The following HDAC9 variants were observed in gnomAD, a reference collection of about 807,000 sequenced individuals.
HDAC9 encodes histone deacetylase 9, also known as MEF-2 interacting transcription repressor (MITR) protein.
HDAC9 carries 41 observed loss-of-function variants against 139.4 expected under a neutral mutation model. The observed-to-expected ratio is 0.29, with a 90% CI of 0.23 to 0.38. HDAC9 has a LOEUF of 0.38. Ranked by LOEUF, HDAC9 falls within the 10% of genes least tolerant of loss-of-function variation. The probability of loss-of-function intolerance (pLI) is 1.00; values close to 1 mark genes in which losing one functional copy is unlikely to be tolerated. For missense variants in HDAC9, 1,147 were observed against 1,297.0 expected (o/e 0.88, Z 1.78); for synonymous variants, 517 against 476.2 (o/e 1.09, Z -1.12).
At chr7:18,105,750 A>T (rs141278237) in intron 1 of HDAC9, among the ~76,000 whole-genome samples, 65 of 152,200 alleles carry the variant, frequency 4.3e-4, no homozygotes, top group Non-Finnish European at 7.2e-4. Context: ...AAAGAATTGA[A>T]AACATATTTC....
chr7:18,972,415 C>G (rs141853192), intron 24 of HDAC9, among the ~76,000 whole-genome samples: 2,567 of 132,760 alleles, frequency 0.019, 80 homozygotes, highest in African/African-American at 0.066. Flanking sequence ...GAGTCTTGCC[C>G]TGTCACCCAG....
At chr7:18,185,892 A>G (rs879826936) in intron 2 of HDAC9, among the ~76,000 whole-genome samples, 5 of 152,206 alleles carry the variant, frequency 3.3e-5, no homozygotes, top group Admixed American at 2.0e-4. Flanking sequence ...CACTTCGTGC[A>G]AAGTATCTTG....
At chr7:18,169,451 G>GT (rs940620524) in intron 2 of HDAC9, among the ~76,000 whole-genome samples, 8 of 149,798 alleles carry the variant, frequency 5.3e-5, no homozygotes, top group South Asian at 2.1e-4. Flanking sequence ...TGATACATCA[G>GT]TTTTTTTTTC....
chr7:18,175,442 A>T (rs1788810695), intron 2 of HDAC9, among the ~76,000 whole-genome samples: 1 of 152,140 alleles, frequency 6.6e-6, no homozygotes, highest in Non-Finnish European at 1.5e-5. Context: ...GCCCTGCTTC[A>T]GCTCACCCTC....
intron 1 of HDAC9, among the ~76,000 whole-genome samples, chr7:18,318,861 G>A (rs1310303704): frequency 6.6e-6 from 1 of 152,066 alleles, no homozygotes; most frequent in Non-Finnish European, 1.5e-5. Flanking sequence ...AAAACATAAC[G>A]ACTAGTATAG....
At chr7:18,572,750 C>T (rs572440756) in intron 2 of HDAC9, among the ~76,000 whole-genome samples, 1 of 152,228 alleles carries the variant, frequency 6.6e-6, no homozygotes, top group Admixed American at 6.5e-5. Flanking sequence ...TTCTTAGCTT[C>T]TATTACCTTG....
intron 2 of HDAC9, among the ~76,000 whole-genome samples, chr7:18,166,874 T>G (rs1424454718): frequency 6.6e-6 from 1 of 152,172 alleles, no homozygotes; most frequent in Non-Finnish European, 1.5e-5. Flanking sequence ...TTCAGTTTGT[T>G]CATAGTGTGT....
intron 2 of HDAC9, among the ~76,000 whole-genome samples, chr7:18,561,735 A>G (rs143154496): frequency 8.5e-4 from 129 of 152,172 alleles, no homozygotes; most frequent in Non-Finnish European, 1.7e-3. Context: ...TTTACTCAGC[A>G]TGGTTTCAAG....
Position 18,741,818 on chromosome 7 carries a change from T to A in HDAC9, c.1910-7187T>A, listed in dbSNP as rs116727168. Among the ~76,000 whole-genome samples the A allele has an allele frequency of 2.5e-3, 373 of 152,188 alleles. 2 individuals are homozygous for A. Among genetic ancestry groups the A allele is most frequent in the African/African-American group, 8.7e-3 (360 of 41,516 alleles). On this transcript the variant is annotated intron_variant, in intron 13 of 25. Transcript: ENST00000686413. ...GAGGAATATCAACATTGACAAGTGA[T>A]TGAAAGAAGTTGATTCCAGTTCTCA...
intron 2 of HDAC9, among the ~76,000 whole-genome samples, chr7:18,569,532 G>A (rs1823556869): frequency 1.3e-5 from 2 of 152,116 alleles, no homozygotes; most frequent in South Asian, 4.2e-4. Flanking sequence ...TCAGAGCTGT[G>A]CTTAAAGTAT....
At chr7:18,367,638 T>A (rs955173833) in intron 1 of HDAC9, among the ~76,000 whole-genome samples, 2 of 152,132 alleles carry the variant, frequency 1.3e-5, no homozygotes, top group Non-Finnish European at 2.9e-5. Context: ...TGGCAATCAT[T>A]TTCTGAACAT....
At chr7:18,419,173 G>T (rs542799758) in intron 1 of HDAC9, among the ~76,000 whole-genome samples, 8 of 151,794 alleles carry the variant, frequency 5.3e-5, no homozygotes, top group Non-Finnish European at 1.2e-4. Flanking sequence ...TCTTTCTATT[G>T]TATGACAAGG....
chr7:18,827,457 T>C (rs771125306), intron 17 of HDAC9, among the ~76,000 whole-genome samples: 4 of 152,168 alleles, frequency 2.6e-5, no homozygotes. Flanking sequence ...TGAATTATCC[T>C]TCTACAAGCA....
At chr7:18,901,148 G>A (rs988659402) in intron 22 of HDAC9, among the ~76,000 whole-genome samples, 2 of 149,714 alleles carry the variant, frequency 1.3e-5, no homozygotes, top group Admixed American at 1.3e-4. Context: ...TTATTCCCAA[G>A]GCTCCAATAC....
intron 1 of HDAC9, among the ~76,000 whole-genome samples, chr7:18,135,452 C>A (rs377128092): frequency 8.9e-6 from 1 of 112,870 alleles, no homozygotes; most frequent in African/African-American, 3.3e-5. Context: ...TCCCTCCCCC[C>A]TCCCCCCACC....
intron 2 of HDAC9, among the ~76,000 whole-genome samples, chr7:18,281,324 A>G (rs1296804874): frequency 6.6e-6 from 1 of 152,186 alleles, no homozygotes; most frequent in Non-Finnish European, 1.5e-5. Context: ...TTTTCTCAAG[A>G]GGAGGAAAAT....
chr7:18,842,324 C>T (rs1016098414), intron 21 of HDAC9, among the ~76,000 whole-genome samples: 6 of 152,082 alleles, frequency 3.9e-5, no homozygotes, highest in African/African-American at 1.4e-4. Flanking sequence ...TACCATCTTT[C>T]CCAGACCATT....
At chr7:18,515,908 A>G (rs776757724) in intron 2 of HDAC9, among the ~76,000 whole-genome samples, 4 of 152,212 alleles carry the variant, frequency 2.6e-5, no homozygotes, top group Non-Finnish European at 4.4e-5. Flanking sequence ...TGGGTTTTCT[A>G]GGCATAAGAT....
At chr7:18,496,098 G>A (rs1377989938) in intron 1 of HDAC9, 75 bp downstream of exon 1, 3 of 1,405,094 alleles carry the variant, frequency 2.1e-6, no homozygotes, top group Non-Finnish European at 2.8e-6. Context: ...AATCATTGTC[G>A]AAGTTGATCC....
Sources: gnomAD v4.1 joint callset for allele counts (sites outside exome capture counted in the v4.1 genomes callset) on GRCh38, gnomAD v4.1.1 for gene constraint, MANE v1.5 for transcripts, NCBI Gene and HGNC (gene_info 2026-07-23, HGNC 2026-07-21) for gene names.